SPOCK1: variants seen among roughly 807,000 people sequenced by gnomAD.
The protein encoded by SPOCK1 is testican-1.
In SPOCK1, 23 loss-of-function variants were observed where a neutral mutation model predicts 55.3. The observed-to-expected ratio is 0.42, with a 90% CI of 0.30 to 0.59. The LOEUF is 0.59. Among genes scored for constraint, SPOCK1 ranks in the 20% least tolerant of loss-of-function variants. SPOCK1 has a pLI of 0.22. For synonymous variants in SPOCK1, 226 were observed against 221.0 expected (o/e 1.02, Z -0.20); for missense variants, 499 against 552.5 (o/e 0.90, Z 0.97).
chr5:137,145,023 G>A (rs761659675), intron 3 of SPOCK1, among the ~76,000 whole-genome samples: 17 of 152,010 alleles, frequency 1.1e-4, no homozygotes, highest in Non-Finnish European at 2.4e-4. Context: ...GACCCAAACA[G>A]GACAGCATCC....
At chr5:137,035,920 T>C (rs185539932) in intron 6 of SPOCK1, among the ~76,000 whole-genome samples, 7 of 152,294 alleles carry the variant, frequency 4.6e-5, no homozygotes, top group Non-Finnish European at 7.4e-5. Context: ...CAGTGCTCCA[T>C]GCTGGGGATT....
intron 2 of SPOCK1, among the ~76,000 whole-genome samples, chr5:137,407,763 C>G (rs1376266730): frequency 6.6e-6 from 1 of 152,184 alleles, no homozygotes; most frequent in African/African-American, 2.4e-5. Flanking sequence ...TAAGAAAACA[C>G]AAGCCACTGC....
intron 3 of SPOCK1, among the ~76,000 whole-genome samples, chr5:137,154,606 C>A (rs529171769): frequency 1.8e-4 from 27 of 152,306 alleles, no homozygotes; most frequent in African/African-American, 6.0e-4. Flanking sequence ...ATCCTTGGTG[C>A]AATTAGTCTC....
chr5:137,094,684 G>A (rs1398078787), intron 5 of SPOCK1, among the ~76,000 whole-genome samples: 1 of 152,230 alleles, frequency 6.6e-6, no homozygotes, highest in Non-Finnish European at 1.5e-5. Flanking sequence ...GGTGGTGGCT[G>A]CTGAAGATTA....
chr5:137,343,156 G>T (rs572546383), intron 2 of SPOCK1, among the ~76,000 whole-genome samples: 104 of 152,342 alleles, frequency 6.8e-4, no homozygotes, highest in Middle Eastern at 3.4e-3. Flanking sequence ...AGCCACAGGG[G>T]CCTCAGTCAC....
intron 4 of SPOCK1, among the ~76,000 whole-genome samples, chr5:137,121,417 G>A: frequency 6.6e-6 from 1 of 151,898 alleles, no homozygotes; most frequent in Non-Finnish European, 1.5e-5. Flanking sequence ...TATGCCAGGA[G>A]CAAATTATGT....
At chr5:137,159,054 T>C (rs1754476368) in intron 3 of SPOCK1, among the ~76,000 whole-genome samples, 1 of 152,136 alleles carries the variant, frequency 6.6e-6, no homozygotes, top group South Asian at 2.1e-4. Context: ...ATGCTCCCCT[T>C]GACCAAATCA....
At chr5:137,096,618 A>C (rs767675270) in intron 5 of SPOCK1, among the ~76,000 whole-genome samples, 1 of 152,230 alleles carries the variant, frequency 6.6e-6, no homozygotes, top group Non-Finnish European at 1.5e-5. Flanking sequence ...TTGAAAATGA[A>C]TCATCACAGC....
intron 3 of SPOCK1, among the ~76,000 whole-genome samples, chr5:137,166,925 C>A (rs1014703239): frequency 6.6e-6 from 1 of 151,904 alleles, no homozygotes; most frequent in African/African-American, 2.4e-5. Context: ...CACAAAACAA[C>A]CAGGAGGCAA....
intron 3 of SPOCK1, among the ~76,000 whole-genome samples, chr5:137,198,247 A>G (rs1755341707): frequency 1.3e-5 from 2 of 152,262 alleles, no homozygotes; most frequent in African/African-American, 4.8e-5. Flanking sequence ...GGTTTTATAA[A>G]TAATGCTGCA....
chr5:137,015,269 A>G (rs190056480), intron 6 of SPOCK1, among the ~76,000 whole-genome samples: 3,688 of 140,314 alleles, frequency 0.026, 156 homozygotes, highest in East Asian at 0.19. Context: ...GTGAAACCCC[A>G]TCTCTACTAA....
intron 3 of SPOCK1, among the ~76,000 whole-genome samples, chr5:137,228,798 T>C (rs1411574781): frequency 6.6e-6 from 1 of 152,194 alleles, no homozygotes; most frequent in Non-Finnish European, 1.5e-5. Context: ...GCAGAAAGCA[T>C]GTACAAATAT....
At chr5:137,432,369 C>G (rs1752766290) in intron 2 of SPOCK1, among the ~76,000 whole-genome samples, 1 of 152,082 alleles carries the variant, frequency 6.6e-6, no homozygotes, top group Non-Finnish European at 1.5e-5. Context: ...GTCCACTGAC[C>G]AGTGAAAAGA....
chr5:137,445,429 T>G (rs2149833224), intron 2 of SPOCK1, among the ~76,000 whole-genome samples: 2 of 152,300 alleles, frequency 1.3e-5, no homozygotes, highest in Middle Eastern at 6.8e-3. Context: ...AAAAAAAATT[T>G]TAAAACTCCC....
intron 6 of SPOCK1, among the ~76,000 whole-genome samples, chr5:137,058,535 A>G (rs1379951054): frequency 6.6e-6 from 1 of 152,236 alleles, no homozygotes; most frequent in African/African-American, 2.4e-5. Context: ...AAGTAGATTC[A>G]TTTGACATTT....
chr5:137,325,359 C>A (rs949958523), intron 2 of SPOCK1, among the ~76,000 whole-genome samples: 2 of 152,142 alleles, frequency 1.3e-5, no homozygotes, highest in African/African-American at 4.8e-5. Context: ...TGGTTTCTGG[C>A]CACTGAGTTC....
chr5:137,341,621 A>G (rs1157759517), intron 2 of SPOCK1, among the ~76,000 whole-genome samples: 1 of 152,246 alleles, frequency 6.6e-6, no homozygotes, highest in Admixed American at 6.5e-5. Context: ...CATTTGTTCC[A>G]TGAGTTTTTA....
rs556817436 is a variant in SPOCK1, at chr5:136,980,974, C to T, written c.992-1505G>A. On this transcript the variant is annotated intron_variant, in intron 9 of 10. Coordinates refer to ENST00000394945, the MANE Select transcript of SPOCK1 (RefSeq NM_004598.4). Reference sequence around the variant, plus strand: ...TTGATTTACCTGGGTCTTCTGTTATCAAAATTTGGTAACTGATAGTATCCA... The same window carrying T: ...TTGATTTACCTGGGTCTTCTGTTATTAAAATTTGGTAACTGATAGTATCCA... Among the ~76,000 whole-genome samples, 247 of 152,154 alleles carry T rather than the reference C, an allele frequency of 1.6e-3. 1 individual carries two copies. Among genetic ancestry groups the T allele is most frequent in the African/African-American group, 5.6e-3 (231 of 41,512 alleles).
intron 4 of SPOCK1, among the ~76,000 whole-genome samples, chr5:137,127,596 A>C (rs917396765): frequency 1.3e-5 from 2 of 152,280 alleles, no homozygotes; most frequent in African/African-American, 4.8e-5. Context: ...ATATAAAGTC[A>C]CAAAAGATTA....
Sources: allele counts gnomAD v4.1 joint callset (sites outside exome capture counted in the v4.1 genomes callset), GRCh38; gene constraint gnomAD v4.1.1; transcripts MANE v1.5; gene names NCBI Gene and HGNC (gene_info 2026-07-23, HGNC 2026-07-21).